Variants in MYZAP observed in about 807,000 individuals in gnomAD.
MYZAP encodes myocardial zonula adherens protein, also known as GRINL1A complex locus upstream.
MYZAP carries 66 observed loss-of-function variants against 69.4 expected under a neutral mutation model. That is an observed-to-expected ratio of 0.95 (90% CI 0.78 to 1.17). The LOEUF (loss-of-function observed/expected upper bound fraction) is 1.17. Among genes scored for constraint, MYZAP ranks in the 50% most tolerant of loss-of-function variants. The pLI is 0.00. For missense variants in MYZAP, 611 were observed against 556.2 expected (o/e 1.10, Z -0.99); for synonymous variants, 256 against 205.9 (o/e 1.24, Z -2.09).
At chr15:57,652,698 A>T (rs1386023513) in intron 10 of MYZAP, among the ~76,000 whole-genome samples, 1 of 152,192 alleles carries the variant, frequency 6.6e-6, no homozygotes. Context: ...ACTGTCAGGA[A>T]AAGAGCAGGC....
At chr15:57,674,206 T>C (rs1360723536) in intron 11 of MYZAP, among the ~76,000 whole-genome samples, 5 of 152,222 alleles carry the variant, frequency 3.3e-5, no homozygotes, top group African/African-American at 1.2e-4. Flanking sequence ...CATTTCAGTA[T>C]CTTCAACTTC....
intron 10 of MYZAP, among the ~76,000 whole-genome samples, chr15:57,660,434 C>T (rs2038228951): frequency 6.6e-6 from 1 of 152,106 alleles, no homozygotes; most frequent in African/African-American, 2.4e-5. Flanking sequence ...CCCACCTCAG[C>T]CTCCCAAGTA....
chr15:57,660,842 A>G (rs118158048), intron 10 of MYZAP, among the ~76,000 whole-genome samples: 76 of 152,302 alleles, frequency 5.0e-4, no homozygotes, highest in Non-Finnish European at 6.0e-4. Context: ...ATATATTATA[A>G]AAAACAAAGA....
intron 6 of MYZAP, among the ~76,000 whole-genome samples, chr15:57,631,491 C>T (rs2036505875): frequency 6.6e-6 from 1 of 151,462 alleles, no homozygotes. Context: ...TTCAGGAACT[C>T]AGGGTATGTT....
chr15:57,609,709 A>G (rs1458536539), intron 2 of MYZAP, among the ~76,000 whole-genome samples: 1 of 152,200 alleles, frequency 6.6e-6, no homozygotes, highest in Non-Finnish European at 1.5e-5. Context: ...AATATTGAAC[A>G]TTAAAAATCA....
intron 11 of MYZAP, among the ~76,000 whole-genome samples, chr15:57,672,541 A>C (rs1262210825): frequency 6.6e-6 from 1 of 151,672 alleles, no homozygotes; most frequent in African/African-American, 2.4e-5. Context: ...TGCAGCCCCC[A>C]CTCTTTAGCT....
chr15:57,684,253 G>T, intron 12 of MYZAP, 149 bp from the exon 13 acceptor site: 1 of 609,010 alleles, frequency 1.6e-6, no homozygotes, highest in African/African-American at 1.9e-5. Flanking sequence ...GGGCCTGTTT[G>T]TAATATTTAA....
chr15:57,646,021 G>C (rs1269325070), intron 10 of MYZAP: 1 of 470,546 alleles, frequency 2.1e-6, no homozygotes, highest in Non-Finnish European at 3.7e-6. Context: ...TAAATGCCCT[G>C]TGTTTAGAGG....
chr15:57,593,628 T>C (rs149296838), intron 1 of MYZAP, among the ~76,000 whole-genome samples: 1 of 152,344 alleles, frequency 6.6e-6, no homozygotes, highest in African/African-American at 2.4e-5. Context: ...TATTTAATTA[T>C]AGGTGCTTTG....
chr15:57,669,064 T>G (rs997465721), intron 11 of MYZAP, among the ~76,000 whole-genome samples: 18 of 151,926 alleles, frequency 1.2e-4, no homozygotes, highest in African/African-American at 4.1e-4. Flanking sequence ...CTAATTTTTG[T>G]ATTTTTAGTA....
chr15:57,596,899 G>T (rs550764120), intron 1 of MYZAP, among the ~76,000 whole-genome samples: 1 of 152,264 alleles, frequency 6.6e-6, no homozygotes, highest in Admixed American at 6.5e-5. Context: ...CTAGAGGCCT[G>T]TGCATGCCAC....
At position 57,625,834 on chromosome 15, in the gene MYZAP, C is replaced by A; in HGVS notation, c.467C>A (p.Ala156Asp). ...AATCACATCCAAACCCAGTCGTCTGCCCTGGATCGTTTTAATGCCATGAAC... is the reference window on the plus strand; with the variant it reads ...AATCACATCCAAACCCAGTCGTCTGACCTGGATCGTTTTAATGCCATGAAC... ...LENHIQTQSSALDRFNAMNSA... is the reference protein window; with the variant it reads ...LENHIQTQSSDLDRFNAMNSA... Residue 156 changes from alanine (A) to aspartate (D), a missense_variant, in exon 5 of 13, where the codon GCC becomes GAC. Transcript: ENST00000267853. The A allele has an allele frequency of 6.2e-7, 1 of 1,614,112 alleles. No individual in the cohort carries two copies. Among genetic ancestry groups the A allele is most frequent in the Middle Eastern group, 1.6e-4 (1 of 6,062 alleles).
chr15:57,636,538 G>T (rs1157365213), intron 8 of MYZAP, among the ~76,000 whole-genome samples: 1 of 152,112 alleles, frequency 6.6e-6, no homozygotes, highest in Admixed American at 6.5e-5. Flanking sequence ...TGGAATTTCC[G>T]AACATAAAGA....
intron 4 of MYZAP, among the ~76,000 whole-genome samples, chr15:57,623,338 A>G (rs2035932712): frequency 6.6e-6 from 1 of 152,230 alleles, no homozygotes. Context: ...CATTTATTCT[A>G]CAGGTAGACT....
intron 2 of MYZAP, among the ~76,000 whole-genome samples, chr15:57,613,277 C>A (rs1332902192): frequency 6.6e-6 from 1 of 151,880 alleles, no homozygotes; most frequent in Non-Finnish European, 1.5e-5. Flanking sequence ...TGTTTCATGC[C>A]CAGGAGGCTT....
In MYZAP at chr15:57,639,491, C is replaced by G; in HGVS notation, c.1065C>G (p.His355Gln). The part of the protein sequence containing the change: ...ASASLRERIR[H>Q]LDDMVHCQQK... ...CCAGCCTCCGTGAGCGGATCAGACACCTAGATGACATGGTGCATTGCCAGC... is the reference window on the plus strand; with the variant it reads ...CCAGCCTCCGTGAGCGGATCAGACAGCTAGATGACATGGTGCATTGCCAGC... The change falls in exon 10 of 13, where the codon CAC becomes CAG. Residue 355 changes from histidine (H) to glutamine (Q), a missense_variant. By Grantham distance (24) the His-to-Gln change is conservative (BLOSUM62 0). Coordinates refer to ENST00000267853, the MANE Select transcript of MYZAP (RefSeq NM_001018100.5). 1 of 1,614,104 alleles carries G rather than the reference C, an allele frequency of 6.2e-7. No individual in the cohort carries two copies. The highest frequency in any genetic ancestry group is 8.5e-7 in the Non-Finnish European group (1 of 1,180,006).
intron 1 of MYZAP, among the ~76,000 whole-genome samples, chr15:57,601,299 T>A (rs934456703): frequency 3.3e-5 from 5 of 151,038 alleles, no homozygotes; most frequent in Non-Finnish European, 7.4e-5. Flanking sequence ...TGTGTGTGTG[T>A]GATGTGGTGC....
chr15:57,647,297 A>G (rs1432433121), intron 10 of MYZAP: 1 of 985,330 alleles, frequency 1.0e-6, no homozygotes, highest in African/African-American at 1.7e-5. Flanking sequence ...TTAGACACAG[A>G]TCCCCAGATA....
chr15:57,679,858 G>C (rs1262612304), intron 12 of MYZAP, among the ~76,000 whole-genome samples: 1 of 152,156 alleles, frequency 6.6e-6, no homozygotes. Flanking sequence ...CCCAGCTGGT[G>C]TCTGCTTGGT....
Sources: gnomAD v4.1 joint callset for allele counts (sites outside exome capture counted in the v4.1 genomes callset) on GRCh38, gnomAD v4.1.1 for gene constraint, MANE v1.5 for transcripts, NCBI Gene and HGNC (gene_info 2026-07-23, HGNC 2026-07-21) for gene names.